Variants in IGFBP7 observed in about 807,000 individuals in gnomAD.
IGFBP7 encodes insulin like growth factor binding protein 7.
A neutral mutation model predicts 29.4 loss-of-function variants in IGFBP7; 31 were observed. The ratio of observed to expected loss-of-function variants is 1.05; its 90% confidence interval spans 0.79 to 1.42. The LOEUF is 1.42. IGFBP7 is among the 40% of genes most tolerant of loss of function. The pLI is 0.00. For missense variants in IGFBP7, 393 were observed against 395.5 expected (o/e 0.99, Z 0.05); for synonymous variants, 172 against 174.9 (o/e 0.98, Z 0.13).
chr4:57,036,658 T>C (rs1417034922), intron 2 of IGFBP7, among the ~76,000 whole-genome samples: 2 of 152,184 alleles, frequency 1.3e-5, no homozygotes, highest in Non-Finnish European at 2.9e-5. Context: ...CCAGCTTTCC[T>C]TACTACCAGT....
intron 1 of IGFBP7, among the ~76,000 whole-genome samples, chr4:57,080,361 A>C (rs1186972444): frequency 1.3e-5 from 2 of 152,200 alleles, no homozygotes; most frequent in Admixed American, 1.3e-4. Context: ...TTCTACTCAC[A>C]TTGCCCGAGT....
intron 2 of IGFBP7, among the ~76,000 whole-genome samples, chr4:57,039,495 G>A (rs917727349): frequency 2.6e-5 from 4 of 152,098 alleles, no homozygotes; most frequent in African/African-American, 9.7e-5. Flanking sequence ...TATATAGTGG[G>A]TAGAGGCTGG....
At chr4:57,106,531 A>C (rs957577070) in intron 1 of IGFBP7, among the ~76,000 whole-genome samples, 1 of 152,126 alleles carries the variant, frequency 6.6e-6, no homozygotes, top group African/African-American at 2.4e-5. Context: ...GGTTGGAGAG[A>C]AGAGGTCAAA....
rs575855750 is a variant in IGFBP7 at position 57,099,696 on chromosome 4, A to G, written c.475+10181T>C. On this transcript the variant is annotated intron_variant, in intron 1 of 4. Transcript: ENST00000295666. ...CCCTAGCACACTCGCTGATCCTTCAAGAACCTCTGGATTGCAACTGAAAGG... is the reference window on the plus strand; with the variant it reads ...CCCTAGCACACTCGCTGATCCTTCAGGAACCTCTGGATTGCAACTGAAAGG... Among the ~76,000 whole-genome samples, 6 of 152,326 alleles carry G rather than the reference A, an allele frequency of 3.9e-5. No homozygotes were observed. The South Asian group carries it at 8.3e-4, about 21-fold the overall frequency.
At chr4:57,064,545 G>A (rs1041875812) in intron 1 of IGFBP7, among the ~76,000 whole-genome samples, 9 of 152,200 alleles carry the variant, frequency 5.9e-5, no homozygotes, top group African/African-American at 1.7e-4. Flanking sequence ...AGAAACTGCC[G>A]ATTCCACAAT....
intron 1 of IGFBP7, among the ~76,000 whole-genome samples, chr4:57,080,356 C>T (rs1464049411): frequency 6.6e-6 from 1 of 152,212 alleles, no homozygotes; most frequent in Non-Finnish European, 1.5e-5. Flanking sequence ...CTGCATTCTA[C>T]TCACATTGCC....
chr4:57,030,885 T>G lies in IGFBP7; in HGVS notation c.*432A>C, dbSNP rs1417166519. ...ATACAATTCTGCTAATTACCATTTG[T>G]TTTTTCTTTTCAGATTTCTTTGGTG... On this transcript the variant is annotated 3_prime_UTR_variant, in exon 5 of 5. Coordinates refer to ENST00000295666, the MANE Select transcript of IGFBP7 (RefSeq NM_001553.3). 1.3e-6 allele frequency: 2 copies of G among 1,550,784 alleles called. No homozygotes were observed. Among genetic ancestry groups the G allele is most frequent in the East Asian group, 4.5e-5 (2 of 44,540 alleles).
intron 1 of IGFBP7, among the ~76,000 whole-genome samples, chr4:57,048,311 A>G (rs1724416419): frequency 6.6e-6 from 1 of 152,148 alleles, no homozygotes; most frequent in African/African-American, 2.4e-5. Context: ...GGCCTCCCAA[A>G]GTACTGGGAT....
chr4:57,073,801 G>A (rs1725124641), intron 1 of IGFBP7, among the ~76,000 whole-genome samples: 2 of 152,132 alleles, frequency 1.3e-5, no homozygotes, highest in African/African-American at 4.8e-5. Context: ...CACGGCCACA[G>A]CCCATTTGTG....
chr4:57,034,263 T>C (rs1196249632), intron 2 of IGFBP7, among the ~76,000 whole-genome samples: 7 of 152,072 alleles, frequency 4.6e-5, no homozygotes, highest in Non-Finnish European at 7.4e-5. Context: ...TACAAAAGAA[T>C]GAAATTCACT....
chr4:57,047,024 C>G (rs1365268190), intron 1 of IGFBP7, among the ~76,000 whole-genome samples: 2 of 152,136 alleles, frequency 1.3e-5, no homozygotes, highest in Non-Finnish European at 2.9e-5. Flanking sequence ...TTTGATCATT[C>G]CTTAGAGGGT....
Position 57,098,866 on chromosome 4 carries a change from G to T in IGFBP7, c.475+11011C>A, listed in dbSNP as rs543259290. 2.6e-5 allele frequency among the ~76,000 whole-genome samples: 4 copies of T among 152,310 alleles called. No individual in the cohort carries two copies. The East Asian group carries it at 7.7e-4, about 29-fold the overall frequency. ...ATTCACTTTTGGAGTTCTGTTCCTG[G>T]AGCAGAAAGTTCTGAAAGCTCCCAT... On this transcript the variant is annotated intron_variant, in intron 1 of 4. Transcript: ENST00000295666.
intron 1 of IGFBP7, among the ~76,000 whole-genome samples, chr4:57,050,445 A>G (rs1724477011): frequency 6.6e-6 from 1 of 151,808 alleles, no homozygotes; most frequent in African/African-American, 2.4e-5. Context: ...GGGTTTCACC[A>G]TGTTGGCCAG....
intron 2 of IGFBP7, among the ~76,000 whole-genome samples, chr4:57,039,013 C>T (rs1431881037): frequency 2.1e-5 from 3 of 142,156 alleles, no homozygotes; most frequent in South Asian, 2.2e-4. Flanking sequence ...TGCGGTGAGC[C>T]GAGATGGTGC....
At chr4:57,095,688 A>G (rs1725743643) in intron 1 of IGFBP7, among the ~76,000 whole-genome samples, 1 of 152,184 alleles carries the variant, frequency 6.6e-6, no homozygotes, top group African/African-American at 2.4e-5. Context: ...ATGGAACGGA[A>G]CACTGCTGTC....
chr4:57,050,914 G>T lies in IGFBP7; in HGVS notation c.476-9981C>A, dbSNP rs142647834. The stretch of plus-strand genomic sequence containing the variant: ...CATTTGAGTATGGGGACTTCTCCGA[G>T]TTATGATAGATTTGCAAACAACACT... On this transcript the variant is annotated intron_variant, in intron 1 of 4. Coordinates refer to ENST00000295666, the MANE Select transcript of IGFBP7 (RefSeq NM_001553.3). 9.9e-5 allele frequency among the ~76,000 whole-genome samples: 15 copies of T among 152,212 alleles called. No individual in the cohort carries two copies. The East Asian group carries it at 2.7e-3, about 27-fold the overall frequency.
In IGFBP7 at chr4:57,109,274, A is replaced by AACAAC. The variant is rs1402260291; in HGVS notation, c.475+602_475+603insGTTGT. On this transcript the variant is annotated intron_variant, in intron 1 of 4. Transcript: ENST00000295666. ...GTCGCTATAAAACAAAACAAAACAA[A>AACAAC]ACAAAAAACCAAAAATTGGCCAGGC... Among the ~76,000 whole-genome samples, 594 of 152,038 alleles carry AACAAC rather than the reference A, an allele frequency of 3.9e-3. 5 individuals are homozygous for AACAAC. Among genetic ancestry groups the AACAAC allele is most frequent in the African/African-American group, 0.013 (546 of 41,462 alleles).
chr4:57,086,377 C>T (rs1386894442), intron 1 of IGFBP7, among the ~76,000 whole-genome samples: 2 of 152,178 alleles, frequency 1.3e-5, no homozygotes, highest in African/African-American at 2.4e-5. Flanking sequence ...TGAGAGTTCA[C>T]GGGACCCAGG....
intron 1 of IGFBP7, among the ~76,000 whole-genome samples, chr4:57,096,634 A>G (rs1436206716): frequency 2.6e-5 from 4 of 152,114 alleles, no homozygotes; most frequent in East Asian, 1.9e-4. Flanking sequence ...AGTAGTCCCA[A>G]TGTTCTGCCA....
Sources: gnomAD v4.1 joint callset for allele counts (sites outside exome capture counted in the v4.1 genomes callset) on GRCh38, gnomAD v4.1.1 for gene constraint, MANE v1.5 for transcripts, NCBI Gene and HGNC (gene_info 2026-07-23, HGNC 2026-07-21) for gene names.